Variants in FNDC3A observed in about 807,000 individuals in gnomAD.
The protein encoded by FNDC3A is fibronectin type III domain containing 3A.
A neutral mutation model predicts 148.9 loss-of-function variants in FNDC3A; 32 were observed. The observed-to-expected ratio is 0.21, with a 90% CI of 0.16 to 0.29. The LOEUF (loss-of-function observed/expected upper bound fraction) is 0.29. FNDC3A is among the 10% of genes least tolerant of loss of function. The probability of loss-of-function intolerance (pLI) is 1.00; values close to 1 mark genes in which losing one functional copy is unlikely to be tolerated. For missense variants in FNDC3A, 1,191 were observed against 1,452.8 expected, an observed-to-expected ratio of 0.82 and a Z score of 2.93; for synonymous variants, 472 against 473.6, an observed-to-expected ratio of 1.00 and a Z score of 0.04.
At chr13:49,034,394 A>G (rs1360550430) in intron 2 of FNDC3A, among the ~76,000 whole-genome samples, 1 of 152,032 alleles carries the variant, frequency 6.6e-6, no homozygotes, top group South Asian at 2.1e-4. Context: ...TCTTTCATAC[A>G]GGTACACACA....
intron 13 of FNDC3A, among the ~76,000 whole-genome samples, chr13:49,177,563 A>G (rs1032287900): frequency 2.6e-5 from 4 of 152,238 alleles, no homozygotes; most frequent in Non-Finnish European, 5.9e-5. Flanking sequence ...ACACATGTTC[A>G]TACAAAAAAA....
chr13:49,028,018 G>T (rs1468546282), intron 2 of FNDC3A, among the ~76,000 whole-genome samples: 2 of 152,024 alleles, frequency 1.3e-5, no homozygotes, highest in East Asian at 3.9e-4. Flanking sequence ...TTTGAGACCA[G>T]CCTGACTAAC....
At chr13:49,060,850 A>G (rs751498914) in intron 2 of FNDC3A, among the ~76,000 whole-genome samples, 2 of 152,114 alleles carry the variant, frequency 1.3e-5, no homozygotes, top group Non-Finnish European at 2.9e-5. Context: ...GGTAGAATGT[A>G]GAGTGACTGC....
chr13:49,090,830 A>C (rs79526924), intron 3 of FNDC3A, among the ~76,000 whole-genome samples: 3,587 of 152,102 alleles, frequency 0.024, 50 homozygotes, highest in Middle Eastern at 0.051. Context: ...CATCTCTACT[A>C]CTGAAAATTT....
At position 49,174,437 on chromosome 13, in the gene FNDC3A, A is replaced by G; in HGVS notation, c.1233A>G (p.Gly411=). 1 of 1,608,216 alleles carries G rather than the reference A, an allele frequency of 6.2e-7. No homozygotes were observed. Among genetic ancestry groups the G allele is most frequent in the Non-Finnish European group, 8.5e-7 (1 of 1,175,122 alleles). The change falls in exon 12 of 26, where the codon GGA becomes GGG. Residue 411 remains glycine (G), a splice_region_variant and synonymous_variant. Transcript: ENST00000492622. The part of the protein sequence containing the change: ...IQNFVLEWDE[G]KGNGEFCQCY... The stretch of plus-strand genomic sequence containing the variant: ...TAATAATCAGCCATTTCTTGTAGGG[A>G]AAAGGAAATGGAGAATTTTGTCAGT...
chr13:49,172,122 G>T (rs1163104686), intron 11 of FNDC3A, 26 bp downstream of exon 11: 2 of 1,445,536 alleles, frequency 1.4e-6, no homozygotes, highest in Non-Finnish European at 1.9e-6. Flanking sequence ...CTTTTTAAAT[G>T]GTTAACATTA....
intron 2 of FNDC3A, among the ~76,000 whole-genome samples, chr13:49,051,622 G>T (rs892121291): frequency 6.6e-6 from 1 of 152,094 alleles, no homozygotes; most frequent in Non-Finnish European, 1.5e-5. Context: ...CTTTGTCTTG[G>T]CATTAGATGA....
intron 3 of FNDC3A, among the ~76,000 whole-genome samples, chr13:49,108,206 G>A (rs1474713128): frequency 2.6e-5 from 4 of 152,132 alleles, no homozygotes; most frequent in African/African-American, 9.7e-5. Flanking sequence ...CTAGATTTTG[G>A]ACATTAAAGT....
intron 2 of FNDC3A, among the ~76,000 whole-genome samples, chr13:49,020,409 T>A (rs1873233235): frequency 6.6e-6 from 1 of 152,218 alleles, no homozygotes; most frequent in Non-Finnish European, 1.5e-5. Flanking sequence ...ATTTACTAAG[T>A]AGTTAAGTCT....
intron 8 of FNDC3A, among the ~76,000 whole-genome samples, chr13:49,158,167 T>A (rs550426752): frequency 1.1e-4 from 16 of 152,208 alleles, no homozygotes; most frequent in East Asian, 7.7e-4. Flanking sequence ...GCTAGCAATC[T>A]GTGAGACTCC....
Position 49,145,333 on chromosome 13 carries a change from A to T in FNDC3A, c.820-445A>T, listed in dbSNP as rs535186446. ...TGGGATTCTGTTTTAATTTACATGT[A>T]TTTATGAATGCAGTTTCACACGTAC... On this transcript the variant is annotated intron_variant, in intron 7 of 25. Transcript: ENST00000492622. Among the ~76,000 whole-genome samples, 14 of 152,266 alleles carry T rather than the reference A, an allele frequency of 9.2e-5. 1 individual carries two copies. The South Asian group carries it at 2.7e-3, about 29-fold the overall frequency.
intron 2 of FNDC3A, among the ~76,000 whole-genome samples, chr13:49,026,432 T>TA (rs1247954788): frequency 6.6e-6 from 1 of 152,238 alleles, no homozygotes; most frequent in Admixed American, 6.5e-5. Flanking sequence ...TAAAATATGA[T>TA]AAAAATATTA....
chr13:49,158,278 G>C (rs186425139), intron 8 of FNDC3A, among the ~76,000 whole-genome samples: 97 of 152,308 alleles, frequency 6.4e-4, no homozygotes, highest in African/African-American at 2.0e-3. Context: ...GGAGTGACCC[G>C]ATTTTCCAGG....
chr13:49,153,504 CAGA>C (rs1253422631), intron 8 of FNDC3A, among the ~76,000 whole-genome samples: 1 of 152,172 alleles, frequency 6.6e-6, no homozygotes, highest in Non-Finnish European at 1.5e-5. Flanking sequence ...TTTTGCTGTG[CAGA>C]AGGTCTTTAG....
intron 2 of FNDC3A, among the ~76,000 whole-genome samples, chr13:49,067,718 C>T (rs1877359043): frequency 6.6e-6 from 1 of 152,074 alleles, no homozygotes; most frequent in African/African-American, 2.4e-5. Context: ...GGGTCTTGGA[C>T]CTCTAAAAAT....
At chr13:49,006,603 T>G (rs964758402) in intron 2 of FNDC3A, among the ~76,000 whole-genome samples, 4 of 152,024 alleles carry the variant, frequency 2.6e-5, no homozygotes, top group African/African-American at 7.2e-5. Flanking sequence ...TATAAATCAT[T>G]TCAAATCATT....
chr13:49,140,901 T>C (rs1014191548), intron 7 of FNDC3A, among the ~76,000 whole-genome samples: 1 of 152,150 alleles, frequency 6.6e-6, no homozygotes, highest in East Asian at 1.9e-4. Context: ...AGGATTATTG[T>C]ACTGACATTT....
intron 4 of FNDC3A, among the ~76,000 whole-genome samples, chr13:49,123,601 T>G (rs1881503411): frequency 1.3e-5 from 2 of 151,554 alleles, no homozygotes; most frequent in African/African-American, 4.9e-5. Flanking sequence ...AATCTATCCA[T>G]CTGACAAAGG....
At chr13:49,004,920 T>G (rs748293863) in intron 1 of FNDC3A, among the ~76,000 whole-genome samples, 4 of 151,932 alleles carry the variant, frequency 2.6e-5, no homozygotes, top group African/African-American at 4.8e-5. Flanking sequence ...CAGAGCAACA[T>G]TATTTGACAA....
Sources: allele counts gnomAD v4.1 joint callset (sites outside exome capture counted in the v4.1 genomes callset), GRCh38; gene constraint gnomAD v4.1.1; transcripts MANE v1.5; gene names NCBI Gene and HGNC (gene_info 2026-07-23, HGNC 2026-07-21).